TG: variants seen among roughly 807,000 people sequenced by gnomAD.
TG encodes the protein thyroid hormones.
Under a neutral mutation model 324.7 loss-of-function variants are expected in TG, and 270 were observed. The observed-to-expected ratio is 0.83, with a 90% CI of 0.75 to 0.92. TG has a LOEUF of 0.92. Among genes scored for constraint, TG ranks in the 40% least tolerant of loss-of-function variants. TG has a pLI of 0.00. For synonymous variants in TG, 1,401 were observed against 1,327.0 expected (o/e 1.06, Z -1.21); for missense variants, 3,591 against 3,456.4 (o/e 1.04, Z -0.98).
chr8:133,027,297 C>T (rs184184486), intron 40 of TG, among the ~76,000 whole-genome samples: 49 of 152,324 alleles, frequency 3.2e-4, no homozygotes, highest in African/African-American at 1.0e-3. Context: ...CAGACCAGGG[C>T]GGGTGGCAGT....
At chr8:132,956,373 A>G (rs1236219234) in intron 27 of TG, among the ~76,000 whole-genome samples, 1 of 152,224 alleles carries the variant, frequency 6.6e-6, no homozygotes, top group African/African-American at 2.4e-5. Context: ...CAGTGTATCC[A>G]GGAATCTGGA....
rs2129916053 is a variant in TG at position 132,941,550 on chromosome 8, T to G, written c.5233+8T>G. On this transcript the variant is annotated splice_region_variant and intron_variant, in intron 26 of 47. Coordinates refer to ENST00000220616, the MANE Select transcript of TG (RefSeq NM_003235.5). Reference sequence around the variant, plus strand: ...TCACACAGGTTCAAGGAGGTAATGTTGGCAGTGAGGGCCAGGGCCTAACAA... The same window carrying G: ...TCACACAGGTTCAAGGAGGTAATGTGGGCAGTGAGGGCCAGGGCCTAACAA... The G allele has an allele frequency of 1.2e-6, 2 of 1,614,120 alleles. No homozygotes were observed.
chr8:132,875,432 A>G (rs1298879921), intron 5 of TG, among the ~76,000 whole-genome samples: 3 of 152,238 alleles, frequency 2.0e-5, no homozygotes, highest in Admixed American at 6.5e-5. Flanking sequence ...TTACTGAAAC[A>G]CAGAGGTTAA....
chr8:133,002,426 G>T, intron 35 of TG: 1 of 984,866 alleles, frequency 1.0e-6, no homozygotes, highest in African/African-American at 1.7e-5. Flanking sequence ...TCAATAAGCC[G>T]CCTCACATCT....
chr8:133,003,160 C>A, intron 35 of TG: 1 of 354,376 alleles, frequency 2.8e-6, no homozygotes, highest in Non-Finnish European at 4.0e-6. Context: ...TTGAAATAAA[C>A]ATTTTCTCCT....
At chr8:133,052,035 T>C (rs564432392) in intron 41 of TG, among the ~76,000 whole-genome samples, 2 of 152,310 alleles carry the variant, frequency 1.3e-5, no homozygotes, top group South Asian at 4.1e-4. Context: ...GTTCCCTGGT[T>C]CGCTCACCCC....
rs555946340 is a variant in TG, at chr8:133,118,029, C to T, written c.7862+1313C>T. On this transcript the variant is annotated intron_variant, in intron 45 of 47. Transcript: ENST00000220616. Reference sequence around the variant, plus strand: ...CAGGGCTTTACCCTGTGTTACTTAGCAAGGCAAGGGAACTCTTATAAACAT... The same window carrying T: ...CAGGGCTTTACCCTGTGTTACTTAGTAAGGCAAGGGAACTCTTATAAACAT... Among the ~76,000 whole-genome samples the T allele has an allele frequency of 3.3e-5, 5 of 152,314 alleles. No homozygotes were observed. In the East Asian group the frequency reaches 9.6e-4, roughly 29 times the overall value.
chr8:132,950,736 C>A (rs1042362579), intron 27 of TG, among the ~76,000 whole-genome samples: 1 of 152,158 alleles, frequency 6.6e-6, no homozygotes, highest in Admixed American at 6.5e-5. Flanking sequence ...GGCCTAATTG[C>A]CTGTCTATAT....
At chr8:133,099,321 G>A (rs1412258703) in intron 43 of TG, among the ~76,000 whole-genome samples, 1 of 152,208 alleles carries the variant, frequency 6.6e-6, no homozygotes, top group Non-Finnish European at 1.5e-5. Flanking sequence ...ACACGCATTA[G>A]TGAAGCCACT....
At chr8:132,897,082 A>C (rs2132255050) in intron 11 of TG, among the ~76,000 whole-genome samples, 1 of 152,306 alleles carries the variant, frequency 6.6e-6, no homozygotes, top group Non-Finnish European at 1.5e-5. Flanking sequence ...AAGGGGTTAA[A>C]AACTAAACTG....
chr8:132,970,445 A>C (rs760798999), intron 32 of TG, among the ~76,000 whole-genome samples: 31 of 152,120 alleles, frequency 2.0e-4, no homozygotes, highest in Non-Finnish European at 4.0e-4. Context: ...ATTTCCTGGG[A>C]TGGAGTTCAA....
chr8:133,042,263 C>T (rs546207306), intron 41 of TG, among the ~76,000 whole-genome samples: 1 of 152,178 alleles, frequency 6.6e-6, no homozygotes, highest in African/African-American at 2.4e-5. Flanking sequence ...TGGGTTCAGA[C>T]CCCCTGGTCT....
chr8:133,121,386 C>G (rs1851129971), intron 45 of TG, among the ~76,000 whole-genome samples: 1 of 152,142 alleles, frequency 6.6e-6, no homozygotes, highest in South Asian at 2.1e-4. Context: ...ACAGACTGAG[C>G]TTTGAGTAAC....
At chr8:133,006,340 A>G (rs1255128983) in intron 35 of TG, among the ~76,000 whole-genome samples, 2 of 152,234 alleles carry the variant, frequency 1.3e-5, no homozygotes, top group South Asian at 2.1e-4. Flanking sequence ...AATCACCAGG[A>G]AAGTTAATAG....
intron 5 of TG, among the ~76,000 whole-genome samples, chr8:132,878,009 CA>C (rs1814078865): frequency 6.6e-6 from 1 of 152,030 alleles, no homozygotes; most frequent in South Asian, 2.1e-4. Flanking sequence ...AGTAGAAAAT[CA>C]GAATAAGGCA....
intron 32 of TG, among the ~76,000 whole-genome samples, chr8:132,971,013 C>T (rs1829432885): frequency 6.6e-6 from 1 of 152,112 alleles, no homozygotes; most frequent in East Asian, 1.9e-4. Context: ...GGCAGGATCC[C>T]CTCACCAAGA....
chr8:133,097,282 C>T (rs868769308), intron 43 of TG, among the ~76,000 whole-genome samples: 7 of 152,274 alleles, frequency 4.6e-5, no homozygotes, highest in Middle Eastern at 3.4e-3. Context: ...ATATATTTCA[C>T]CTTGGGGACT....
Position 132,933,575 on chromosome 8 carries a change from G to A in TG, c.4831G>A (p.Glu1611Lys), listed in dbSNP as rs747788493. Residue 1611 changes from glutamate (E) to lysine (K), a missense_variant, in exon 24 of 48, where the codon GAG becomes AAG. By Grantham distance (56) the Glu-to-Lys change is moderately conservative. Coordinates refer to ENST00000220616, the MANE Select transcript of TG (RefSeq NM_003235.5). The stretch of plus-strand genomic sequence containing the variant: ...GGTGCTTGCAGATTGCACAGAGGAC[G>A]AGGCCTGCAGCTTCTTCACCGTGTC... ...MQCLTDCTED[E>K]ACSFFTVSTT... 29 of 1,614,072 alleles carry A rather than the reference G, an allele frequency of 1.8e-5. No homozygotes were observed. Among genetic ancestry groups the A allele is most frequent in the Admixed American group, 1.7e-4 (10 of 60,010 alleles).
intron 41 of TG, among the ~76,000 whole-genome samples, chr8:133,030,493 T>C (rs1292973839): frequency 6.6e-6 from 1 of 152,192 alleles, no homozygotes; most frequent in Non-Finnish European, 1.5e-5. Flanking sequence ...ATAATTATGA[T>C]GGAAAAAATA....
Sources: allele counts gnomAD v4.1 joint callset (sites outside exome capture counted in the v4.1 genomes callset), GRCh38; gene constraint gnomAD v4.1.1; transcripts MANE v1.5; gene names NCBI Gene and HGNC (gene_info 2026-07-23, HGNC 2026-07-21).